The following NRG1 variants were observed in gnomAD, a reference collection of about 807,000 sequenced individuals.
NRG1 encodes the protein neuregulin 1.
NRG1 carries 18 observed loss-of-function variants against 63.8 expected under a neutral mutation model. That is an observed-to-expected ratio of 0.28 (90% CI 0.19 to 0.42). The LOEUF is 0.42. Among genes scored for constraint, NRG1 ranks in the 10% least tolerant of loss-of-function variants. The pLI is 1.00. For missense variants in NRG1, 762 were observed against 814.7 expected (o/e 0.94, Z 0.79); for synonymous variants, 302 against 301.3 (o/e 1.00, Z -0.02).
At chr8:32,233,563 ATTT>A (rs1554660617) in intron 1 of NRG1, among the ~76,000 whole-genome samples, 4 of 67,260 alleles carry the variant, frequency 5.9e-5, no homozygotes, top group African/African-American at 3.1e-4. Flanking sequence ...ATATATATAT[ATTT>A]TTTTTTTTTT....
chr8:32,025,944 T>TAAAA (rs71208160), intron 1 of NRG1, among the ~76,000 whole-genome samples: 2 of 113,476 alleles, frequency 1.8e-5, no homozygotes. Context: ...AGACTCCGTC[T>TAAAA]AAAAAAAAAA....
At chr8:32,465,004 GTC>G (rs1384342675) in intron 1 of NRG1, among the ~76,000 whole-genome samples, 1 of 152,026 alleles carries the variant, frequency 6.6e-6, no homozygotes, top group Non-Finnish European at 1.5e-5. Flanking sequence ...GTGAAAACCC[GTC>G]TCTACTAAAA....
chr8:31,829,266 A>G (rs902193233), intron 1 of NRG1, among the ~76,000 whole-genome samples: 1 of 152,230 alleles, frequency 6.6e-6, no homozygotes, highest in Non-Finnish European at 1.5e-5. Flanking sequence ...GTTCAAACGC[A>G]AACTCCCCAA....
chr8:32,030,170 A>T (rs1055575565), intron 1 of NRG1, among the ~76,000 whole-genome samples: 1 of 152,238 alleles, frequency 6.6e-6, no homozygotes, highest in South Asian at 2.1e-4. Flanking sequence ...GCACATAAGA[A>T]GATCTTCATT....
chr8:32,299,331 G>A (rs1855320994), intron 1 of NRG1, among the ~76,000 whole-genome samples: 1 of 151,940 alleles, frequency 6.6e-6, no homozygotes, highest in Non-Finnish European at 1.5e-5. Context: ...GCAGTGCCGA[G>A]GACTAAAGAT....
At chr8:32,176,156 G>C (rs1319365771) in intron 1 of NRG1, among the ~76,000 whole-genome samples, 4 of 152,076 alleles carry the variant, frequency 2.6e-5, no homozygotes, top group East Asian at 1.9e-4. Flanking sequence ...CAGAACAGAG[G>C]CCTCAGAAAT....
At chr8:32,169,529 T>G (rs529934968) in intron 1 of NRG1, among the ~76,000 whole-genome samples, 1 of 152,278 alleles carries the variant, frequency 6.6e-6, no homozygotes, top group Non-Finnish European at 1.5e-5. Context: ...GGTTTGACAG[T>G]GATTAGTGTA....
intron 1 of NRG1, among the ~76,000 whole-genome samples, chr8:32,138,828 C>T (rs190957663): frequency 3.9e-4 from 59 of 152,222 alleles, no homozygotes; most frequent in East Asian, 3.5e-3. Flanking sequence ...CCACCCACCT[C>T]GGCCTCCCTA....
rs1585798311 is a variant in NRG1, at chr8:32,169,520, G to A, written c.38-426308G>A. 2.0e-5 allele frequency among the ~76,000 whole-genome samples: 3 copies of A among 152,316 alleles called. No individual in the cohort carries two copies. In the East Asian group the frequency reaches 5.8e-4, roughly 29 times the overall value. On this transcript the variant is annotated intron_variant, in intron 1 of 10. Coordinates refer to the NRG1 transcript ENST00000519301. ...ATAGGCTCAAGAATTCTGAGGTTGG[G>A]TTTGACAGTGATTAGTGTAAATTAA...
intron 1 of NRG1, among the ~76,000 whole-genome samples, chr8:32,013,757 G>A (rs1248827286): frequency 6.6e-6 from 1 of 152,056 alleles, no homozygotes; most frequent in Non-Finnish European, 1.5e-5. Context: ...TCTTTGAGGG[G>A]AACAGAGAAA....
chr8:32,019,838 A>T (rs947555744), intron 1 of NRG1, among the ~76,000 whole-genome samples: 1 of 152,156 alleles, frequency 6.6e-6, no homozygotes, highest in Admixed American at 6.5e-5. Context: ...TATATCATAA[A>T]CCATATACCT....
chr8:32,171,076 G>T (rs991562079), intron 1 of NRG1, among the ~76,000 whole-genome samples: 2 of 152,056 alleles, frequency 1.3e-5, no homozygotes, highest in Non-Finnish European at 2.9e-5. Context: ...CTTGTTGGGG[G>T]GATAGGGAGG....
intron 1 of NRG1, among the ~76,000 whole-genome samples, chr8:32,091,317 T>C (rs1027009710): frequency 3.3e-5 from 5 of 151,502 alleles, no homozygotes; most frequent in Non-Finnish European, 5.9e-5. Flanking sequence ...AGGTGATTTA[T>C]GTAATTCCTA....
chr8:32,371,117 C>G (rs1435735089), intron 1 of NRG1, among the ~76,000 whole-genome samples: 1 of 152,090 alleles, frequency 6.6e-6, no homozygotes, highest in East Asian at 1.9e-4. Context: ...GAGGCTGAGA[C>G]AGGAGAATTG....
chr8:31,675,639 G>C (rs1346998799), intron 1 of NRG1, among the ~76,000 whole-genome samples: 1 of 152,056 alleles, frequency 6.6e-6, no homozygotes, highest in African/African-American at 2.4e-5. Flanking sequence ...AAAAACACTG[G>C]GCATCATTGT....
chr8:32,277,908 CA>C (rs1410027993), intron 1 of NRG1, among the ~76,000 whole-genome samples: 1 of 152,192 alleles, frequency 6.6e-6, no homozygotes, highest in East Asian at 1.9e-4. Flanking sequence ...TGAAATCCTT[CA>C]CAGTTTGCAC....
In NRG1 at chr8:31,640,148, C is replaced by T. The variant is rs1803596168; in HGVS notation, c.37+717C>T. 8.5e-7 allele frequency: 1 copy of T among 1,173,398 alleles called. No individual in the cohort carries two copies. The highest frequency in any genetic ancestry group is 1.1e-6 in the Non-Finnish European group (1 of 950,424). 72.7% of individuals were successfully genotyped at this position (1,173,398 alleles called of 1,614,324 possible). A position where few individuals can be genotyped will look rare whatever the true frequency, so the allele number is the denominator to read the frequency against. On this transcript the variant is annotated intron_variant, in intron 1 of 10. Coordinates refer to the NRG1 transcript ENST00000519301. The surrounding 1 kb of genome is among the most constrained non-coding windows in gnomAD (Gnocchi z 6.3). ...GGGGCGGCGGCCGGCAACGAGGCGG[C>T]TCCCGCGGGGGCCTCGGTGTGCTAC...
At chr8:32,050,426 A>G (rs1821795085) in intron 1 of NRG1, among the ~76,000 whole-genome samples, 1 of 152,056 alleles carries the variant, frequency 6.6e-6, no homozygotes, top group Non-Finnish European at 1.5e-5. Flanking sequence ...ATGATAGAAA[A>G]TTGACAACTA....
chr8:32,581,432 C>T (rs574555781), intron 1 of NRG1, among the ~76,000 whole-genome samples: 1 of 152,138 alleles, frequency 6.6e-6, no homozygotes, highest in Non-Finnish European at 1.5e-5. Flanking sequence ...TAGTAGCTCA[C>T]TTGATATGGA....
Sources: gnomAD v4.1 joint callset for allele counts (sites outside exome capture counted in the v4.1 genomes callset) on GRCh38, gnomAD v4.1.1 for gene constraint, Gnocchi (gnomAD v3.1) non-coding constraint, MANE v1.5 for transcripts, NCBI Gene and HGNC (gene_info 2026-07-23, HGNC 2026-07-21) for gene names.